The following PFKP variants were observed in gnomAD, a reference collection of about 807,000 sequenced individuals.
PFKP encodes the protein ATP-dependent 6-phosphofructokinase, platelet type.
A neutral mutation model predicts 94.3 loss-of-function variants in PFKP; 101 were observed. The ratio of observed to expected loss-of-function variants is 1.07; its 90% CI spans 0.91 to 1.26. The LOEUF (loss-of-function observed/expected upper bound fraction) is 1.26. PFKP is among the 50% of genes most tolerant of loss of function. PFKP has a pLI of 0.00. For missense variants in PFKP, 1,145 were observed against 1,103.3 expected (o/e 1.04, Z -0.53); for synonymous variants, 573 against 432.6 (o/e 1.32, Z -4.03).
rs1268376745 is a variant in PFKP, at chr10:3,116,462, T to C, written c.1372-314T>C. 2.6e-5 allele frequency among the ~76,000 whole-genome samples: 4 copies of C among 152,352 alleles called. 1 individual carries two copies. Among genetic ancestry groups the C allele is most frequent in the Non-Finnish European group, 2.9e-5 (2 of 68,030 alleles). ...TCTTTTACCAACTTAGAAACCATCA[T>C]GTTACTTTTCTTTTAGTTGCCGGTG... On this transcript the variant is annotated intron_variant, in intron 13 of 21. Coordinates refer to ENST00000381125, the MANE Select transcript of PFKP (RefSeq NM_002627.5).
chr10:3,092,591 C>T (rs1377081518), intron 2 of PFKP, among the ~76,000 whole-genome samples: 1 of 152,102 alleles, frequency 6.6e-6, no homozygotes, highest in East Asian at 1.9e-4. Context: ...CCCCAGTACC[C>T]TAATTTGGTC....
chr10:3,136,287 A>G (rs1201245179), intron 21 of PFKP, among the ~76,000 whole-genome samples, 163 bp from the exon 22 acceptor site: 2 of 152,156 alleles, frequency 1.3e-5, no homozygotes, highest in Admixed American at 6.5e-5. Context: ...ATAATTTTAA[A>G]CAATGGTTTC....
intron 1 of PFKP, chr10:3,069,481 C>T (rs1191320081): frequency 3.4e-6 from 4 of 1,163,262 alleles, no homozygotes; most frequent in Non-Finnish European, 4.9e-6. Context: ...CTTGAGTGAC[C>T]TTACCTGGGC....
intron 20 of PFKP, 35 bp downstream of exon 20, chr10:3,134,617 G>A (rs769163405): frequency 5.3e-6 from 7 of 1,330,796 alleles, no homozygotes; most frequent in South Asian, 4.7e-5. Context: ...ACAGCCTCGT[G>A]ATGCAGGCCG....
At position 3,100,926 on chromosome 10, in the gene PFKP, G is replaced by A. The variant is rs1179384001; in HGVS notation, c.265-439G>A. On this transcript the variant is annotated intron_variant, in intron 3 of 21. Coordinates refer to ENST00000381125, the MANE Select transcript of PFKP (RefSeq NM_002627.5). ...CCTGCTGGTTTTACTTGCAGGTGCT[G>A]TAAGGGGTGACTGGAGGGAGAAGCC... The A allele has an allele frequency of 4.4e-6, 7 of 1,597,804 alleles. No individual in the cohort carries two copies. In the South Asian group the frequency reaches 4.4e-5, roughly 10 times the overall value.
At position 3,076,083 on chromosome 10, in the gene PFKP, C is replaced by G. The variant is rs1473515209; in HGVS notation, c.113-6305C>G. On this transcript the variant is annotated intron_variant, in intron 1 of 21. Transcript: ENST00000381125. Reference sequence around the variant, plus strand: ...CAAAAAACTATGTTTTATATTCAATCCACTATTTTGATAACAATCAATTAT... The same window carrying G: ...CAAAAAACTATGTTTTATATTCAATGCACTATTTTGATAACAATCAATTAT... Among the ~76,000 whole-genome samples the G allele has an allele frequency of 4.0e-5, 6 of 149,818 alleles. 1 individual carries two copies. Among genetic ancestry groups the G allele is most frequent in the African/African-American group, 1.5e-4 (6 of 40,638 alleles).
At chr10:3,105,743 A>G (rs1442253069) in intron 7 of PFKP, among the ~76,000 whole-genome samples, 2 of 152,146 alleles carry the variant, frequency 1.3e-5, no homozygotes, top group African/African-American at 4.8e-5. Context: ...GCCTGGTTAG[A>G]ATGCCCCATG....
At chr10:3,130,051 C>A (rs753392522) in intron 17 of PFKP, 68 bp downstream of exon 17, 9 of 1,421,502 alleles carry the variant, frequency 6.3e-6, no homozygotes, top group Middle Eastern at 3.7e-4. Flanking sequence ...AGTGAATCAT[C>A]GTGTCTAGGG....
chr10:3,136,298 ATT>A (rs1839325983), intron 21 of PFKP, 150 bp from the exon 22 acceptor site: 1 of 692,902 alleles, frequency 1.4e-6, no homozygotes, highest in Non-Finnish European at 2.4e-6. Context: ...CAATGGTTTC[ATT>A]TGATCCTGAA....
intron 16 of PFKP, among the ~76,000 whole-genome samples, chr10:3,121,419 CTG>C (rs1365115229): frequency 1.3e-5 from 2 of 152,152 alleles, no homozygotes; most frequent in East Asian, 1.9e-4. Flanking sequence ...ATTTTTGGGT[CTG>C]TGAAAGTTGG....
chr10:3,093,803 C>T (rs1313023016), intron 2 of PFKP, among the ~76,000 whole-genome samples: 1 of 152,054 alleles, frequency 6.6e-6, no homozygotes, highest in Non-Finnish European at 1.5e-5. Flanking sequence ...GCCACCACAC[C>T]CGGCTAATTT....
intron 1 of PFKP, among the ~76,000 whole-genome samples, chr10:3,079,498 C>A (rs571141598): frequency 6.6e-6 from 1 of 152,042 alleles, no homozygotes; most frequent in Non-Finnish European, 1.5e-5. Context: ...CCTCCCAAAG[C>A]ACTGGGATTA....
At chr10:3,069,100 C>A (rs1203264524) in intron 1 of PFKP, 1 of 350,748 alleles carries the variant, frequency 2.9e-6, no homozygotes, top group Non-Finnish European at 4.4e-6. Context: ...GACACCCGTG[C>A]GCCGCGCGCT....
chr10:3,081,977 C>CTGTTT (rs1833114356), intron 1 of PFKP, among the ~76,000 whole-genome samples: 1 of 68,440 alleles, frequency 1.5e-5, no homozygotes, highest in Admixed American at 1.9e-4. Flanking sequence ...AGCCCATTGC[C>CTGTTT]TTTTTTTTTT....
Position 3,108,795 on chromosome 10 carries a change from TG to T in PFKP, c.963+3del. 1 of 1,605,036 alleles carries T rather than the reference TG, an allele frequency of 6.2e-7. No individual in the cohort carries two copies. ...CCTTCGGCATTCGACAGGATCTTGGTGAGTTGGGAAGGGTTGGGCATCTTCA... is the reference window on the plus strand; with the variant it reads ...CCTTCGGCATTCGACAGGATCTTGGTAGTTGGGAAGGGTTGGGCATCTTCA... On this transcript the variant is annotated splice_donor_region_variant and intron_variant, in intron 9 of 21. Transcript: ENST00000381125.
chr10:3,103,077 T>C (rs1160138480), intron 4 of PFKP, among the ~76,000 whole-genome samples: 1 of 152,242 alleles, frequency 6.6e-6, no homozygotes, highest in African/African-American at 2.4e-5. Flanking sequence ...CACAGATGCA[T>C]GAGAAATCAG....
chr10:3,094,363 A>G (rs1834315001), intron 2 of PFKP, among the ~76,000 whole-genome samples: 1 of 152,260 alleles, frequency 6.6e-6, no homozygotes, highest in Admixed American at 6.5e-5. Flanking sequence ...AAGCAAGTGC[A>G]GGACCACATG....
rs761240274 is a variant in PFKP, at chr10:3,116,745, T to A, written c.1372-31T>A. 19 of 1,561,058 alleles carry A rather than the reference T, an allele frequency of 1.2e-5. No individual in the cohort carries two copies. The Admixed American group carries it at 2.3e-4, about 19-fold the overall frequency. The stretch of plus-strand genomic sequence containing the variant: ...TGCAACTTGCCTTTCATTGTTCACT[T>A]TAGCTGTTTCGTTCTGTGTTTGCAC... On this transcript the variant is annotated intron_variant, in intron 13 of 21. Transcript: ENST00000381125.
In PFKP at chr10:3,082,411, G is replaced by T; in HGVS notation, c.136G>T (p.Val46Leu). The change falls in exon 2 of 22, where the codon GTG (valine) becomes TTG (leucine). Residue 46 changes from valine (V) to leucine (L), a missense_variant. Val to Leu is a conservative substitution (Grantham distance 32). Around this residue, in one of 3 missense-constraint regions of PFKP, gnomAD observed 1,119 missense variants for 1,062.8 expected, o/e 1.05. Transcript: ENST00000381125. ...AGGTATGAACGCTGCCGTCCGTGCCGTGGTGCGCATGGGTATCTACGTGGG... is the reference window on the plus strand; with the variant it reads ...AGGTATGAACGCTGCCGTCCGTGCCTTGGTGCGCATGGGTATCTACGTGGG... ...AQGMNAAVRA[V>L]VRMGIYVGAK... The T allele has an allele frequency of 6.2e-7, 1 of 1,606,972 alleles. No individual in the cohort carries two copies. The highest frequency in any genetic ancestry group is 8.5e-7 in the Non-Finnish European group (1 of 1,175,450).
Sources: gnomAD v4.1 joint callset for allele counts (sites outside exome capture counted in the v4.1 genomes callset) on GRCh38, gnomAD v4.1.1 for gene constraint, gnomAD v4.1.1 regional missense constraint, MANE v1.5 for transcripts, NCBI Gene and HGNC (gene_info 2026-07-23, HGNC 2026-07-21) for gene names.